The following KHDC4 variants were observed in gnomAD, a reference collection of about 807,000 sequenced individuals.
KHDC4 encodes the protein KH domain containing 4, pre-mRNA splicing factor, also known as KH homology domain-containing protein 4.
KHDC4 carries 19 observed loss-of-function variants against 74.5 expected under a neutral mutation model. The observed-to-expected ratio is 0.26, with a 90% CI of 0.18 to 0.37. The LOEUF (loss-of-function observed/expected upper bound fraction) is 0.37. KHDC4 is among the 10% of genes least tolerant of loss of function. KHDC4 has a pLI of 1.00. For synonymous variants in KHDC4, 253 were observed against 266.1 expected, an observed-to-expected ratio of 0.95 and a Z score of 0.48; for missense variants, 632 against 754.1, an observed-to-expected ratio of 0.84 and a Z score of 1.90.
intron 7 of KHDC4, among the ~76,000 whole-genome samples, chr1:155,924,185 C>T (rs763159269): frequency 3.3e-5 from 5 of 151,926 alleles, no homozygotes; most frequent in Non-Finnish European, 7.4e-5. Flanking sequence ...GGCATGTTGG[C>T]GGGTGCCTAT....
intron 2 of KHDC4, among the ~76,000 whole-genome samples, chr1:155,931,119 T>G (rs1223694981): frequency 1.3e-5 from 2 of 151,780 alleles, no homozygotes; most frequent in East Asian, 3.9e-4. Context: ...CCCAAGAGTT[T>G]CAGACCAGCC....
intron 13 of KHDC4, 42 bp from the exon 14 acceptor site, chr1:155,914,362 G>T: frequency 7.2e-7 from 1 of 1,393,918 alleles, no homozygotes; most frequent in South Asian, 1.3e-5. Context: ...TCCCCGCCAA[G>T]GGAAAAAAAA....
At chr1:155,932,780 A>C (rs375196832) in intron 2 of KHDC4, 1 of 152,212 alleles carries the variant, frequency 6.6e-6, no homozygotes, top group African/African-American at 2.4e-5. Flanking sequence ...CACAAAAAAA[A>C]ATTAGCCGGG....
At chr1:155,926,497 T>C (rs1359193073) in intron 6 of KHDC4, 179 bp downstream of exon 6, 4 of 620,702 alleles carry the variant, frequency 6.4e-6, no homozygotes, top group South Asian at 3.7e-5. Flanking sequence ...GCCCGGGTAA[T>C]GTTCGTGACG....
Position 155,914,180 on chromosome 1 carries a change from G to A in KHDC4, c.1786C>T (p.Gln596Ter), listed in dbSNP as rs759730294. 6.2e-7 allele frequency: 1 copy of A among 1,613,912 alleles called. No individual in the cohort carries two copies. The highest frequency in any genetic ancestry group is 8.5e-7 in the Non-Finnish European group (1 of 1,179,998). The change falls in exon 14 of 14, where the codon CAA (glutamine) becomes TAA (stop). Residue 596 changes from glutamine to a stop codon, truncating the protein, a stop_gained. Transcript: ENST00000368321. LOFTEE classifies it high-confidence loss of function. ...SFPQGWSLGY[Q>*]YPSSQPRAKQ... ...GCTCGTGGTTGTGATGAAGGATATT[G>A]GTATCCCAAACTCCAGCCCTGTGGA...
intron 10 of KHDC4, among the ~76,000 whole-genome samples, chr1:155,919,485 G>C (rs1249548468): frequency 6.6e-6 from 1 of 152,048 alleles, no homozygotes; most frequent in Non-Finnish European, 1.5e-5. Flanking sequence ...GACCAGCCTG[G>C]CCAAAATGGT....
At chr1:155,922,999 A>C (rs1673899428) in intron 8 of KHDC4, among the ~76,000 whole-genome samples, 1 of 152,044 alleles carries the variant, frequency 6.6e-6, no homozygotes, top group South Asian at 2.1e-4. Context: ...AGGTCAGGAG[A>C]TCGAGACCAT....
At position 155,914,094 on chromosome 1, in the gene KHDC4, A is replaced by T. The variant is rs757742850; in HGVS notation, c.*27T>A. ...GCATTATTGCTAAGAAGAGTCACTG[A>T]GGGTCAAAACTCTGTTCCACTGTTT... On this transcript the variant is annotated 3_prime_UTR_variant, in exon 14 of 14. Coordinates refer to ENST00000368321, the MANE Select transcript of KHDC4 (RefSeq NM_014949.4). The T allele has an allele frequency of 9.5e-6, 15 of 1,581,334 alleles. No individual in the cohort carries two copies. In the South Asian group the frequency reaches 1.4e-4, roughly 15 times the overall value.
rs1261264804 is a variant in KHDC4, at chr1:155,921,858, C to T, written c.1012+3G>A. The T allele has an allele frequency of 1.9e-6, 3 of 1,597,606 alleles. No individual in the cohort carries two copies. Among genetic ancestry groups the T allele is most frequent in the Admixed American group, 1.7e-5 (1 of 59,132 alleles). On this transcript the variant is annotated splice_donor_region_variant and intron_variant, in intron 9 of 13. Transcript: ENST00000368321. Reference sequence around the variant, plus strand: ...TTTTTTAAACACTTCAAGATGTACACACCTGGTAAAGGTACAGCAGTATTA... The same window carrying T: ...TTTTTTAAACACTTCAAGATGTACATACCTGGTAAAGGTACAGCAGTATTA...
rs926720932 is a variant in KHDC4 at position 155,921,209 on chromosome 1, C to T, written c.1266+166G>A. 7.9e-5 allele frequency: 57 copies of T among 723,890 alleles called. No individual in the cohort carries two copies. The East Asian group carries it at 1.4e-3, about 18-fold the overall frequency. The allele number at this position is 723,890 out of a possible 1,614,324, so 44.8% of individuals were successfully genotyped here. A position where few individuals can be genotyped will look rare whatever the true frequency, so the allele number is the denominator to read the frequency against. On this transcript the variant is annotated intron_variant, in intron 10 of 13. Transcript: ENST00000368321. ...AACTTCAGGATGACATACACACATA[C>T]ACACTAATCCAAAATATTCAGGTAG...
intron 2 of KHDC4, among the ~76,000 whole-genome samples, chr1:155,931,510 A>C (rs2102610171): frequency 6.6e-6 from 1 of 152,258 alleles, no homozygotes; most frequent in East Asian, 1.9e-4. Context: ...TGGGAGGAAG[A>C]GACTGTGCCA....
chr1:155,928,855 G>A (rs191251826), intron 4 of KHDC4, among the ~76,000 whole-genome samples: 8 of 151,718 alleles, frequency 5.3e-5, no homozygotes, highest in East Asian at 1.9e-4. Flanking sequence ...GGGAGGCTGA[G>A]GTAGGAGAAT....
At position 155,917,584 on chromosome 1, in the gene KHDC4, G is replaced by T. The variant is rs781643318; in HGVS notation, c.1355C>A (p.Pro452Gln). The T allele has an allele frequency of 6.2e-7, 1 of 1,604,794 alleles. No individual in the cohort carries two copies. The highest frequency in any genetic ancestry group is 8.5e-7 in the Non-Finnish European group (1 of 1,174,540). ...GPQPQPQPQP[P>Q]LPSQPQAQKR... ...CTGTGCCTGGGGCTGACTTGGGAGT[G>T]GGGGCTGGGGCTGGGGCTGGGGCTG... is the stretch of plus-strand genomic sequence containing the variant. The change falls in exon 11 of 14, where the codon CCA becomes CAA. Residue 452 changes from proline to glutamine, a missense_variant. Physicochemically the swap from Pro to Gln is moderately conservative, Grantham distance 76. This residue lies in a region of KHDC4 where 254 missense variants were observed against 267.4 expected (regional missense o/e 0.95). Coordinates refer to ENST00000368321, the MANE Select transcript of KHDC4 (RefSeq NM_014949.4).
In KHDC4 at chr1:155,913,208, T is replaced by C. The variant is rs1673666363; in HGVS notation, c.*913A>G. The C allele has an allele frequency of 6.5e-6, 1 of 152,814 alleles. No homozygotes were observed. Among genetic ancestry groups the C allele is most frequent in the Non-Finnish European group, 1.5e-5 (1 of 68,052 alleles). The allele number at this position is 152,814 out of a possible 1,614,324, so 9.5% of individuals were successfully genotyped here. ...TTCCTGGTTCAGCAGACTAGCTCCT[T>C]CACTTTCACACATCAATATTTGATA... On this transcript the variant is annotated 3_prime_UTR_variant, in exon 14 of 14. Coordinates refer to ENST00000368321, the MANE Select transcript of KHDC4 (RefSeq NM_014949.4).
At chr1:155,933,593 T>C (rs779491697) in intron 2 of KHDC4, 40 bp downstream of exon 2, 1 of 1,522,092 alleles carries the variant, frequency 6.6e-7, no homozygotes, top group South Asian at 1.2e-5. Flanking sequence ...AAAACAACTA[T>C]TAAATTCGCA....
At chr1:155,929,938 A>G (rs1337373259) in intron 2 of KHDC4, 98 bp from the exon 3 acceptor site, 9 of 781,750 alleles carry the variant, frequency 1.2e-5, no homozygotes, top group Non-Finnish European at 1.5e-5. Context: ...CATTTTTTTG[A>G]GATGGAGTCT....
chr1:155,920,913 G>C (rs1034043130), intron 10 of KHDC4, among the ~76,000 whole-genome samples: 1 of 152,172 alleles, frequency 6.6e-6, no homozygotes, highest in Non-Finnish European at 1.5e-5. Flanking sequence ...GGTAAGGTTA[G>C]GCAAACAATG....
intron 2 of KHDC4, among the ~76,000 whole-genome samples, chr1:155,931,699 G>A (rs1204658198): frequency 6.6e-6 from 1 of 152,194 alleles, no homozygotes; most frequent in Non-Finnish European, 1.5e-5. Flanking sequence ...GAGTAGCTGG[G>A]ACTACAGGGG....
chr1:155,920,883 G>A (rs1400748993), intron 10 of KHDC4, among the ~76,000 whole-genome samples: 1 of 152,124 alleles, frequency 6.6e-6, no homozygotes, highest in Non-Finnish European at 1.5e-5. Context: ...TCTCCTTGAG[G>A]ACTTTGTTAA....
Sources: gnomAD v4.1 joint callset for allele counts (sites outside exome capture counted in the v4.1 genomes callset) on GRCh38, gnomAD v4.1.1 for gene constraint, gnomAD v4.1.1 regional missense constraint, MANE v1.5 for transcripts, NCBI Gene and HGNC (gene_info 2026-07-23, HGNC 2026-07-21) for gene names.